CDC5L: variants seen among roughly 807,000 people sequenced by gnomAD.
CDC5L encodes the protein cell division cycle 5-like protein.
In CDC5L, 18 loss-of-function variants were observed where a neutral mutation model predicts 104.1. The observed-to-expected ratio is 0.17, with a 90% CI of 0.12 to 0.26. CDC5L has a LOEUF of 0.26. Among genes scored for constraint, CDC5L ranks in the 10% least tolerant of loss-of-function variants. CDC5L has a pLI of 1.00. For synonymous variants in CDC5L, 331 were observed against 322.7 expected (o/e 1.03, Z -0.28); for missense variants, 673 against 956.9 (o/e 0.70, Z 3.91).
At chr6:44,400,470 T>G (rs933643745) in intron 5 of CDC5L, among the ~76,000 whole-genome samples, 21 of 152,270 alleles carry the variant, frequency 1.4e-4, no homozygotes, top group African/African-American at 4.8e-4. Flanking sequence ...TCACTGCAAC[T>G]TCTACCTCCT....
Position 44,426,606 on chromosome 6 carries a change from A to T in CDC5L, c.1775A>T (p.Tyr592Phe). ...CATTATGACCTTCTACATCACCCTTATGAACCATCTGGAAATAAAAAAGGC... is the reference window on the plus strand; with the variant it reads ...CATTATGACCTTCTACATCACCCTTTTGAACCATCTGGAAATAAAAAAGGC... ...MLHYDLLHHP[Y>F]EPSGNKKGKT... The change falls in exon 13 of 16, where the codon TAT becomes TTT. Residue 592 changes from tyrosine to phenylalanine, a missense_variant. By Grantham distance (22) the Tyr-to-Phe change is conservative. Coordinates refer to ENST00000371477, the MANE Select transcript of CDC5L (RefSeq NM_001253.4). 1 of 1,613,620 alleles carries T rather than the reference A, an allele frequency of 6.2e-7. No homozygotes were observed. Among genetic ancestry groups the T allele is most frequent in the Non-Finnish European group, 8.5e-7 (1 of 1,179,738 alleles).
intron 10 of CDC5L, among the ~76,000 whole-genome samples, chr6:44,424,034 A>G (rs747017754): frequency 3.9e-5 from 6 of 152,180 alleles, no homozygotes; most frequent in Non-Finnish European, 8.8e-5. Flanking sequence ...GGGATAGAAA[A>G]TAAACATAAG....
intron 14 of CDC5L, among the ~76,000 whole-genome samples, chr6:44,441,827 A>C (rs947737238): frequency 4.7e-5 from 7 of 150,262 alleles, no homozygotes; most frequent in African/African-American, 1.7e-4. Flanking sequence ...TTTATTGAGT[A>C]GTTTGAATTT....
chr6:44,431,235 G>A (rs1364708593), intron 14 of CDC5L, among the ~76,000 whole-genome samples: 1 of 152,128 alleles, frequency 6.6e-6, no homozygotes, highest in Non-Finnish European at 1.5e-5. Context: ...GAAATGACTG[G>A]TTCTGAAGTA....
At chr6:44,412,026 C>T (rs1294489229) in intron 8 of CDC5L, among the ~76,000 whole-genome samples, 4 of 152,122 alleles carry the variant, frequency 2.6e-5, no homozygotes, top group African/African-American at 9.7e-5. Flanking sequence ...CAGGAATCCA[C>T]TTAAACTGTA....
chr6:44,430,284 C>T (rs183657317), intron 14 of CDC5L, among the ~76,000 whole-genome samples: 45 of 151,600 alleles, frequency 3.0e-4, no homozygotes, highest in Admixed American at 1.5e-3. Flanking sequence ...TCAGCAGTAA[C>T]GAGGAGTTTT....
At chr6:44,398,149 G>A (rs4143679) in intron 5 of CDC5L, among the ~76,000 whole-genome samples, 129,757 of 152,190 alleles carry the variant, frequency 0.85, 56,341 homozygotes, top group Non-Finnish European at 0.93. Flanking sequence ...AGCCTAGAAT[G>A]GTTAGCTTAT....
At position 44,418,101 on chromosome 6, in the gene CDC5L, C is replaced by T. The variant is rs562685278; in HGVS notation, c.1093-1348C>T. Reference sequence around the variant, plus strand: ...TGTTGCTGTGCTGCACCCATTAACTCCTCATTTAACATTAGGTATATCTCC... The same window carrying T: ...TGTTGCTGTGCTGCACCCATTAACTTCTCATTTAACATTAGGTATATCTCC... On this transcript the variant is annotated intron_variant, in intron 8 of 15. Transcript: ENST00000371477. Among the ~76,000 whole-genome samples the T allele has an allele frequency of 1.9e-4, 29 of 152,216 alleles. No individual in the cohort carries two copies. In the East Asian group the frequency reaches 5.6e-3, roughly 29 times the overall value.
In CDC5L at chr6:44,426,582, A is replaced by G. The variant is rs1792433324; in HGVS notation, c.1751A>G (p.His584Arg). 6.2e-7 allele frequency: 1 copy of G among 1,613,478 alleles called. No individual in the cohort carries two copies. Among genetic ancestry groups the G allele is most frequent in the South Asian group, 1.1e-5 (1 of 91,070 alleles). Residue 584 changes from histidine (H) to arginine (R), a missense_variant, in exon 13 of 16, where the codon CAT (histidine) becomes CGT (arginine). By Grantham distance (29) the His-to-Arg change is conservative. This residue lies in a region of CDC5L where 578 missense variants were observed against 737.0 expected (regional missense o/e 0.78). Transcript: ENST00000371477. ...LIKKEMITMLHYDLLHHPYEP... is the reference protein window; with the variant it reads ...LIKKEMITMLRYDLLHHPYEP... Reference sequence around the variant, plus strand: ...AAAAAAGAAATGATCACAATGCTTCATTATGACCTTCTACATCACCCTTAT... The same window carrying G: ...AAAAAAGAAATGATCACAATGCTTCGTTATGACCTTCTACATCACCCTTAT...
At chr6:44,399,314 G>A (rs1172050772) in intron 5 of CDC5L, among the ~76,000 whole-genome samples, 1 of 152,134 alleles carries the variant, frequency 6.6e-6, no homozygotes, top group Non-Finnish European at 1.5e-5. Context: ...TGATGTGTCT[G>A]TAGATTTCTT....
intron 5 of CDC5L, among the ~76,000 whole-genome samples, chr6:44,398,758 T>C (rs1790987238): frequency 6.6e-6 from 1 of 152,248 alleles, no homozygotes; most frequent in Admixed American, 6.5e-5. Context: ...TTTCCATTAT[T>C]TAAAGAATGA....
In CDC5L at chr6:44,388,144, ACCCCGCCC is replaced by A. The variant is rs1345771818; in HGVS notation, c.45+289_45+296del. Among the ~76,000 whole-genome samples the A allele has an allele frequency of 1.2e-3, 52 of 44,866 alleles. No individual in the cohort carries two copies. In the South Asian group the frequency reaches 0.02, roughly 17 times the overall value. The allele number at this position is 44,866 out of a possible 152,430, so 29.4% of individuals were successfully genotyped here. A position where few individuals can be genotyped will look rare whatever the true frequency, so the allele number is the denominator to read the frequency against. ...TGTTGACTTGAATACGCCCCCTCCC[ACCCCGCCC>A]CCCCGCCCCCCCCGGCCCCGGGAAG... On this transcript the variant is annotated intron_variant, in intron 1 of 15. Transcript: ENST00000371477.
intron 8 of CDC5L, among the ~76,000 whole-genome samples, chr6:44,415,607 C>A (rs574098988): frequency 6.6e-6 from 1 of 151,776 alleles, no homozygotes; most frequent in Non-Finnish European, 1.5e-5. Context: ...CAGGGCCAGC[C>A]GTCATGTTTG....
intron 12 of CDC5L, 131 bp downstream of exon 12, chr6:44,426,314 A>G (rs1306362469): frequency 1.3e-6 from 1 of 776,882 alleles, no homozygotes; most frequent in Non-Finnish European, 2.1e-6. Flanking sequence ...GTAGTTCTCA[A>G]ATCCAATCTT....
At chr6:44,403,515 G>C (rs1021502065) in intron 5 of CDC5L, among the ~76,000 whole-genome samples, 2 of 151,970 alleles carry the variant, frequency 1.3e-5, no homozygotes, top group African/African-American at 2.4e-5. Context: ...AAAAGCTGTT[G>C]ATTTTTTTCA....
At chr6:44,434,935 A>G (rs569943590) in intron 14 of CDC5L, among the ~76,000 whole-genome samples, 8 of 152,214 alleles carry the variant, frequency 5.3e-5, no homozygotes, top group Non-Finnish European at 1.0e-4. Flanking sequence ...TCTTCTATGC[A>G]TTTAAAAAAA....
At chr6:44,393,151 T>C (rs752162676) in intron 3 of CDC5L, among the ~76,000 whole-genome samples, 9 of 151,216 alleles carry the variant, frequency 6.0e-5, no homozygotes, top group Non-Finnish European at 1.3e-4. Context: ...AACATTTTGG[T>C]TCTTTACTAA....
At chr6:44,398,239 C>T (rs1554158337) in intron 5 of CDC5L, among the ~76,000 whole-genome samples, 1 of 152,118 alleles carries the variant, frequency 6.6e-6, no homozygotes, top group Non-Finnish European at 1.5e-5. Context: ...GGCCACCTCT[C>T]TATTCTGTAT....
At chr6:44,409,940 G>GT (rs900449522) in intron 8 of CDC5L, among the ~76,000 whole-genome samples, 43 of 148,996 alleles carry the variant, frequency 2.9e-4, no homozygotes, top group Admixed American at 6.7e-4. Context: ...TTTTTTTTTA[G>GT]TTTTTTTTCA....
Sources: gnomAD v4.1 joint callset for allele counts (sites outside exome capture counted in the v4.1 genomes callset) on GRCh38, gnomAD v4.1.1 for gene constraint, gnomAD v4.1.1 regional missense constraint, MANE v1.5 for transcripts, NCBI Gene and HGNC (gene_info 2026-07-23, HGNC 2026-07-21) for gene names.